The following EYS variants were observed in gnomAD, a reference collection of about 807,000 sequenced individuals.
EYS encodes the protein EGF-like photoreceptor maintenance factor, also known as protein eyes shut homolog.
In EYS, 250 loss-of-function variants were observed where a neutral mutation model predicts 282.1. The observed-to-expected ratio is 0.89, with a 90% confidence interval of 0.80 to 0.98. The LOEUF is 0.98. Ranked by LOEUF, EYS falls within the 50% of genes least tolerant of loss-of-function variation. The pLI, the probability that EYS is intolerant of heterozygous loss-of-function variation, is 0.00. For synonymous variants in EYS, 1,355 were observed against 1,282.9 expected (o/e 1.06, Z -1.20); for missense variants, 4,016 against 3,709.0 (o/e 1.08, Z -2.15).
intron 5 of EYS, among the ~76,000 whole-genome samples, chr6:65,421,997 A>T (rs1767483809): frequency 6.6e-6 from 1 of 151,964 alleles, no homozygotes; most frequent in Non-Finnish European, 1.5e-5. Flanking sequence ...CCAAAAGGTG[A>T]CAGAGACACA....
chr6:65,345,655 A>G (rs1770363554), intron 9 of EYS, among the ~76,000 whole-genome samples: 1 of 151,836 alleles, frequency 6.6e-6, no homozygotes, highest in Non-Finnish European at 1.5e-5. Flanking sequence ...TGTCCAATTT[A>G]TTAGTATAAA....
chr6:65,057,742 A>G lies in EYS; in HGVS notation c.2024-15T>C, dbSNP rs561166342. ...ACATTGCGTACCTTTGGAAAATAGGAAAAAAAAATGTTAAGTGTTAACAAG... is the reference window on the plus strand; with the variant it reads ...ACATTGCGTACCTTTGGAAAATAGGGAAAAAAAATGTTAAGTGTTAACAAG... On this transcript the variant is annotated splice_polypyrimidine_tract_variant and intron_variant, in intron 12 of 42. Coordinates refer to ENST00000503581, the MANE Select transcript of EYS (RefSeq NM_001142800.2). 1.7e-4 allele frequency: 244 copies of G among 1,431,946 alleles called. 1 individual carries two copies. The highest frequency in any genetic ancestry group is 9.7e-4 in the African/African-American group (67 of 69,206). The allele number at this position is 1,431,946 out of a possible 1,614,324, so 88.7% of individuals were successfully genotyped here.
chr6:65,663,692 T>G (rs1173430656), intron 1 of EYS, among the ~76,000 whole-genome samples: 5 of 152,012 alleles, frequency 3.3e-5, no homozygotes, highest in Admixed American at 3.3e-4. Context: ...TTTATTTATT[T>G]ATTTTTTGAG....
rs957060684 is a variant in EYS, at chr6:65,405,427, C to T, written c.863-60G>A. 4.5e-6 allele frequency: 6 copies of T among 1,341,786 alleles called. No individual in the cohort carries two copies. The African/African-American group carries it at 8.8e-5, about 20-fold the overall frequency. The allele number at this position is 1,341,786 out of a possible 1,614,324, so 83.1% of individuals were successfully genotyped here. A position where few individuals can be genotyped will look rare whatever the true frequency, so the allele number is the denominator to read the frequency against. ...AGGAAGGAAGGAAAGAAGAAATGAG[C>T]ATAGATATGTAGCAAAACATTCTAG... On this transcript the variant is annotated intron_variant, in intron 5 of 42. Transcript: ENST00000503581.
At chr6:64,102,144 C>A (rs371976387) in intron 31 of EYS, among the ~76,000 whole-genome samples, 72 of 152,212 alleles carry the variant, frequency 4.7e-4, no homozygotes, top group African/African-American at 1.6e-3. Context: ...CTGGTCTATG[C>A]CACTTGTAGA....
At chr6:65,407,692 T>C (rs996838819) in intron 5 of EYS, among the ~76,000 whole-genome samples, 1 of 152,178 alleles carries the variant, frequency 6.6e-6, no homozygotes, top group African/African-American at 2.4e-5. Context: ...TATTAGATCA[T>C]GTCATTTGTG....
At chr6:63,959,269 C>G (rs1467146480) in intron 35 of EYS, among the ~76,000 whole-genome samples, 1 of 152,108 alleles carries the variant, frequency 6.6e-6, no homozygotes, top group South Asian at 2.1e-4. Context: ...AAAAGTTCAA[C>G]ATCACTGATA....
At chr6:65,144,298 C>T (rs1442258155) in intron 12 of EYS, among the ~76,000 whole-genome samples, 4 of 152,096 alleles carry the variant, frequency 2.6e-5, no homozygotes, top group African/African-American at 9.6e-5. Flanking sequence ...ATCTATGCTA[C>T]GTAATTTCTT....
chr6:65,272,872 A>G (rs1301142003), intron 12 of EYS, among the ~76,000 whole-genome samples: 2 of 152,154 alleles, frequency 1.3e-5, no homozygotes, highest in Non-Finnish European at 2.9e-5. Flanking sequence ...TCTCCCACAG[A>G]TGAATAAGAT....
chr6:64,763,334 A>G (rs549294094), intron 22 of EYS, among the ~76,000 whole-genome samples: 2 of 152,294 alleles, frequency 1.3e-5, no homozygotes, highest in African/African-American at 4.8e-5. Context: ...GAAACTTACA[A>G]TCATGGCAGA....
intron 12 of EYS, among the ~76,000 whole-genome samples, chr6:65,073,877 A>G (rs927373895): frequency 1.3e-5 from 2 of 151,974 alleles, no homozygotes; most frequent in African/African-American, 4.8e-5. Flanking sequence ...GCGCACAACT[A>G]AACACTGCCA....
At chr6:64,192,565 A>G (rs1183198222) in intron 31 of EYS, among the ~76,000 whole-genome samples, 3 of 152,144 alleles carry the variant, frequency 2.0e-5, no homozygotes, top group South Asian at 4.1e-4. Flanking sequence ...AACCTGAGAA[A>G]AACAAGCAAT....
At chr6:63,884,469 G>A (rs947799794) in intron 35 of EYS, among the ~76,000 whole-genome samples, 2 of 152,074 alleles carry the variant, frequency 1.3e-5, no homozygotes, top group Non-Finnish European at 2.9e-5. Flanking sequence ...GCTGAAAAAT[G>A]TTACCTAGCT....
rs568733119 is a variant in EYS at position 65,137,693 on chromosome 6, T to G, written c.2024-79966A>C. Among the ~76,000 whole-genome samples, 12 of 152,186 alleles carry G rather than the reference T, an allele frequency of 7.9e-5. No homozygotes were observed. The East Asian group carries it at 2.3e-3, about 29-fold the overall frequency. On this transcript the variant is annotated intron_variant, in intron 12 of 42. Transcript: ENST00000503581. ...GAGAAGTAGGTAGAATCAATAAATA[T>G]TTAAGAGGTTAAAATATATAGGATT...
At chr6:65,568,962 A>C (rs1764380600) in intron 2 of EYS, among the ~76,000 whole-genome samples, 1 of 152,178 alleles carries the variant, frequency 6.6e-6, no homozygotes, top group African/African-American at 2.4e-5. Flanking sequence ...CATAGGCCAA[A>C]CTAACTTTGT....
intron 22 of EYS, among the ~76,000 whole-genome samples, chr6:64,628,715 C>G (rs1454031026): frequency 6.6e-6 from 1 of 152,060 alleles, no homozygotes; most frequent in African/African-American, 2.4e-5. Flanking sequence ...GCGTTCTTAC[C>G]TATGAACAAT....
intron 29 of EYS, among the ~76,000 whole-genome samples, chr6:64,349,999 T>C (rs1053444030): frequency 2.6e-5 from 4 of 151,504 alleles, no homozygotes; most frequent in South Asian, 4.2e-4. Flanking sequence ...ATAGAAAATG[T>C]GTTTAGAAAT....
At chr6:65,517,356 A>C (rs1309630253) in intron 2 of EYS, among the ~76,000 whole-genome samples, 3 of 151,638 alleles carry the variant, frequency 2.0e-5, no homozygotes, top group East Asian at 1.9e-4. Flanking sequence ...AAAAAACAAA[A>C]GCTCAAACCT....
chr6:64,754,482 A>C (rs758391244), intron 22 of EYS, among the ~76,000 whole-genome samples: 8 of 152,098 alleles, frequency 5.3e-5, no homozygotes, highest in Non-Finnish European at 1.0e-4. Flanking sequence ...CCTAACTGGT[A>C]CTATGAAGCC....
Sources: gnomAD v4.1 joint callset for allele counts (sites outside exome capture counted in the v4.1 genomes callset) on GRCh38, gnomAD v4.1.1 for gene constraint, MANE v1.5 for transcripts, NCBI Gene and HGNC (gene_info 2026-07-23, HGNC 2026-07-21) for gene names.